Variants in SMC1A observed in about 807,000 individuals in gnomAD.
The protein encoded by SMC1A is structural maintenance of chromosomes 1A.
In SMC1A, 4 loss-of-function variants were observed where a neutral mutation model predicts 94.5. The observed-to-expected ratio is 0.04, with a 90% CI of 0.02 to 0.10. The LOEUF (loss-of-function observed/expected upper bound fraction) is 0.10. Ranked by LOEUF, SMC1A falls within the 10% of genes least tolerant of loss-of-function variation. SMC1A has a pLI of 1.00. For synonymous variants in SMC1A, 345 were observed against 347.7 expected, an observed-to-expected ratio of 0.99 and a Z score of 0.09; for missense variants, 304 against 989.0, an observed-to-expected ratio of 0.31 and a Z score of 9.29.
rs185570529 is a variant in SMC1A at position 53,388,877 on chromosome X, G to T, written c.2974-5624C>A. On this transcript the variant is annotated intron_variant, in intron 19 of 24. Coordinates refer to ENST00000322213, the MANE Select transcript of SMC1A (RefSeq NM_006306.4). Reference sequence around the variant, plus strand: ...CCGGGCGTGGTGGCGGGCGCCTGTAGTCCCAGTTACTTGGGAGGCTGAGGC... The same window carrying T: ...CCGGGCGTGGTGGCGGGCGCCTGTATTCCCAGTTACTTGGGAGGCTGAGGC... Among the ~76,000 whole-genome samples, 319 of 106,590 alleles carry T rather than the reference G, an allele frequency of 3.0e-3. 2 individuals carry two copies. Among genetic ancestry groups the T allele is most frequent in the African/African-American group, 0.01 (303 of 29,209 alleles). The allele number at this position is 106,590 out of a possible 115,157, so 92.6% of individuals were successfully genotyped here. A position where few individuals can be genotyped will look rare whatever the true frequency, so the allele number is the denominator to read the frequency against.
In SMC1A at chrX:53,380,685, T is replaced by C. The variant is rs1033021951; in HGVS notation, c.3553A>G (p.Ile1185Val). 8.3e-7 allele frequency: 1 copy of C among 1,209,522 alleles called. No homozygotes were observed. Among genetic ancestry groups the C allele is most frequent in the Non-Finnish European group, 1.1e-6 (1 of 894,177 alleles). ...AACTCCTCCTTGAGAGAGATGACGA[T>C]GGCCTGGAAGTTGCAAGTCGACTGC... ...KEQSTCNFQAIVISLKEEFYT... is the reference protein window; with the variant it reads ...KEQSTCNFQAVVISLKEEFYT... Residue 1185 changes from isoleucine (I) to valine (V), a missense_variant, in exon 24 of 25, where the codon ATC becomes GTC. By Grantham distance (29) the Ile-to-Val change is conservative (BLOSUM62 3). This residue lies in a region of SMC1A where 24 missense variants were observed against 43.5 expected (regional missense o/e 0.55). Coordinates refer to ENST00000322213, the MANE Select transcript of SMC1A (RefSeq NM_006306.4).
chrX:53,384,009 G>A (rs1170278245), intron 19 of SMC1A, among the ~76,000 whole-genome samples: 1 of 111,879 alleles, frequency 8.9e-6, no homozygotes, highest in East Asian at 2.8e-4. Context: ...TCAGAGATCA[G>A]GAGATTGATA....
chrX:53,392,656 C>T (rs2075634362), intron 19 of SMC1A, among the ~76,000 whole-genome samples: 1 of 111,211 alleles, frequency 9.0e-6, no homozygotes, highest in Admixed American at 9.6e-5. Context: ...CCATGTTGGC[C>T]AGGCTAGTCT....
intron 22 of SMC1A, 33 bp from the exon 23 acceptor site, chrX:53,381,120 A>C: frequency 6.0e-6 from 3 of 497,277 alleles, no homozygotes; most frequent in South Asian, 2.4e-5. Context: ...GCTGACACTG[A>C]GGCGGGGAGG....
Position 53,380,650 on chromosome X carries a change from C to T in SMC1A, c.3588G>A (p.Lys1196=). The T allele has an allele frequency of 8.3e-7, 1 of 1,207,604 alleles. No individual in the cohort carries two copies. Among genetic ancestry groups the T allele is most frequent in the Non-Finnish European group, 1.1e-6 (1 of 891,643 alleles). ...VISLKEEFYT[K]AESLIGVYPE... ...GATAGACTCCAATGAGGCTCTCGGC[C>T]TTGGTGTAGAACTCCTCCTTGAGAG... Residue 1196 remains lysine, a synonymous_variant, in exon 24 of 25, where the codon AAG becomes AAA. Transcript: ENST00000322213.
At chrX:53,394,316 G>T (rs1164889152) in intron 19 of SMC1A, among the ~76,000 whole-genome samples, 1 of 110,447 alleles carries the variant, frequency 9.1e-6, no homozygotes, top group African/African-American at 3.3e-5. Flanking sequence ...TAAATATGGG[G>T]AGGAAGGCTA....
intron 15 of SMC1A, among the ~76,000 whole-genome samples, chrX:53,401,190 T>C (rs781926500): frequency 1.8e-5 from 2 of 111,649 alleles, no homozygotes; most frequent in East Asian, 2.8e-4. Flanking sequence ...CTAGTTTCTA[T>C]TACACTTTGT....
In SMC1A at chrX:53,382,605, G is replaced by T. The variant is rs372307204; in HGVS notation, c.3186C>A (p.Ile1062=). Residue 1062 remains isoleucine (I), a synonymous_variant, in exon 21 of 25, where the codon ATC becomes ATA. Transcript: ENST00000322213. The part of the protein sequence containing the change: ...AKKAKQAFEQ[I]KKERFDRFNA... ...TGAAGCGGTCAAAGCGCTCCTTCTTGATCTGTTCGAATGCCTGCTTGGCCT... is the reference window on the plus strand; with the variant it reads ...TGAAGCGGTCAAAGCGCTCCTTCTTTATCTGTTCGAATGCCTGCTTGGCCT... 1.7e-6 allele frequency: 2 copies of T among 1,211,533 alleles called. No individual in the cohort carries two copies. Among genetic ancestry groups the T allele is most frequent in the Admixed American group, 4.3e-5 (2 of 46,023 alleles).
At position 53,379,975 on chromosome X, in the gene SMC1A, C is replaced by A. The variant is rs1219593861; in HGVS notation, c.*128G>T. Reference sequence around the variant, plus strand: ...TCTGTTCCTCTTCATGCTTGATTAGCAGTGCCTAAATCCCATGACTACACC... The same window carrying A: ...TCTGTTCCTCTTCATGCTTGATTAGAAGTGCCTAAATCCCATGACTACACC... On this transcript the variant is annotated 3_prime_UTR_variant, in exon 25 of 25. Transcript: ENST00000322213. The A allele has an allele frequency of 1.9e-6, 1 of 529,107 alleles. No homozygotes were observed. Among genetic ancestry groups the A allele is most frequent in the Non-Finnish European group, 3.4e-6 (1 of 293,754 alleles). The allele number at this position is 529,107 out of a possible 1,213,427, so 43.6% of individuals were successfully genotyped here.
intron 1 of SMC1A, among the ~76,000 whole-genome samples, chrX:53,417,249 G>A (rs1294518098): frequency 1.8e-5 from 2 of 111,346 alleles, no homozygotes; most frequent in Admixed American, 1.9e-4. Context: ...CAAAAAGTCA[G>A]TGTCTAAAAA....
At chrX:53,388,996 C>CAAA (rs782012322) in intron 19 of SMC1A, among the ~76,000 whole-genome samples, 1 of 31,295 alleles carries the variant, frequency 3.2e-5, no homozygotes, top group Non-Finnish European at 6.0e-5. Context: ...GACTCCATCT[C>CAAA]AAAAAAAAAA....
In SMC1A at chrX:53,388,967, A is replaced by C. The variant is rs781916403; in HGVS notation, c.2974-5714T>G. ...AGCCAAGATCGCGCCACTGCACTCCAGCCTGGGCGACAGAGCAAGACTCCA... is the reference window on the plus strand; with the variant it reads ...AGCCAAGATCGCGCCACTGCACTCCCGCCTGGGCGACAGAGCAAGACTCCA... On this transcript the variant is annotated intron_variant, in intron 19 of 24. Coordinates refer to ENST00000322213, the MANE Select transcript of SMC1A (RefSeq NM_006306.4). Among the ~76,000 whole-genome samples, 89 of 99,382 alleles carry C rather than the reference A, an allele frequency of 9.0e-4. No individual in the cohort carries two copies. The Middle Eastern group carries it at 0.015, about 16-fold the overall frequency. The allele number at this position is 99,382 out of a possible 115,157, so 86.3% of individuals were successfully genotyped here.
At position 53,401,183 on chromosome X, in the gene SMC1A, G is replaced by T. The variant is rs1556888843; in HGVS notation, c.2421-1453C>A. On this transcript the variant is annotated intron_variant, in intron 15 of 24. Transcript: ENST00000322213. ...CCTGACGGTTCTGAGCAGGTTCCTA[G>T]TTTCTATTACACTTTGTTGGGTTCC... Among the ~76,000 whole-genome samples, 7 of 111,507 alleles carry T rather than the reference G, an allele frequency of 6.3e-5. 1 individual carries two copies. The Admixed American group carries it at 6.7e-4, about 11-fold the overall frequency.
intron 22 of SMC1A, among the ~76,000 whole-genome samples, 157 bp from the exon 23 acceptor site, chrX:53,381,244 G>A (rs185868345): frequency 9.9e-5 from 11 of 111,445 alleles, no homozygotes; most frequent in Admixed American, 2.8e-4. Context: ...GCCCCTGAAA[G>A]CCAAGACATC....
intron 19 of SMC1A, among the ~76,000 whole-genome samples, chrX:53,391,836 T>A (rs1378970296): frequency 1.8e-5 from 2 of 111,114 alleles, no homozygotes; most frequent in African/African-American, 6.6e-5. Flanking sequence ...ACTATTGACA[T>A]TTTGGGTCAG....
At chrX:53,387,513 C>A (rs187255233) in intron 19 of SMC1A, among the ~76,000 whole-genome samples, 5 of 111,913 alleles carry the variant, frequency 4.5e-5, no homozygotes, top group Non-Finnish European at 9.4e-5. Context: ...AACAAAAAAA[C>A]CGCATTTAAT....
At chrX:53,409,010 G>A (rs782219984) in intron 9 of SMC1A, 52 bp downstream of exon 9, 196 of 1,107,799 alleles carry the variant, frequency 1.8e-4, no homozygotes, top group Admixed American at 2.9e-4. Flanking sequence ...TGGGAAAATC[G>A]TGTGACAGTG....
At chrX:53,396,765 C>T in intron 16 of SMC1A, 148 bp from the exon 17 acceptor site, 7 of 607,758 alleles carry the variant, frequency 1.2e-5, no homozygotes, top group East Asian at 3.5e-5. Context: ...CACCCCTCAG[C>T]CTCCTATCTT....
At chrX:53,402,759 GC>G (rs2075675238) in intron 15 of SMC1A, among the ~76,000 whole-genome samples, 1 of 101,287 alleles carries the variant, frequency 9.9e-6, no homozygotes, top group Non-Finnish European at 2.0e-5. Flanking sequence ...TACTCAGGAG[GC>G]TAAGGCAGGA....
Sources: gnomAD v4.1 joint callset for allele counts (sites outside exome capture counted in the v4.1 genomes callset) on GRCh38, gnomAD v4.1.1 for gene constraint, gnomAD v4.1.1 regional missense constraint, MANE v1.5 for transcripts, NCBI Gene and HGNC (gene_info 2026-07-23, HGNC 2026-07-21) for gene names.